GNAQ: variants seen among roughly 807,000 people sequenced by gnomAD.
GNAQ encodes guanine nucleotide-binding protein G(q) subunit alpha.
GNAQ carries 8 observed loss-of-function variants against 43.9 expected under a neutral mutation model. That is an observed-to-expected ratio of 0.18 (90% CI 0.11 to 0.33). GNAQ has a LOEUF of 0.33. Among genes scored for constraint, GNAQ ranks in the 10% least tolerant of loss-of-function variants. The pLI, the probability that GNAQ is intolerant of heterozygous loss-of-function variation, is 1.00. For missense variants in GNAQ, 158 were observed against 450.8 expected, an observed-to-expected ratio of 0.35 and a Z score of 5.88; for synonymous variants, 155 against 170.7, an observed-to-expected ratio of 0.91 and a Z score of 0.71.
chr9:77,833,672 T>C (rs866552851), intron 2 of GNAQ, among the ~76,000 whole-genome samples: 27 of 152,360 alleles, frequency 1.8e-4, no homozygotes, highest in African/African-American at 4.8e-4. Context: ...ATATCTTGCA[T>C]ATGATATAAG....
chr9:78,011,583 T>C (rs1823773231), intron 1 of GNAQ, among the ~76,000 whole-genome samples: 1 of 152,116 alleles, frequency 6.6e-6, no homozygotes, highest in Non-Finnish European at 1.5e-5. Flanking sequence ...ACAAAAATTG[T>C]CAGAACTAAG....
intron 1 of GNAQ, among the ~76,000 whole-genome samples, chr9:77,979,230 C>T (rs953370522): frequency 2.6e-5 from 4 of 151,896 alleles, no homozygotes; most frequent in African/African-American, 9.7e-5. Context: ...GTGGCGGATG[C>T]CTATAATCCC....
intron 5 of GNAQ, among the ~76,000 whole-genome samples, chr9:77,759,673 AACTT>A (rs1254524294): frequency 6.6e-6 from 1 of 152,130 alleles, no homozygotes; most frequent in Non-Finnish European, 1.5e-5. Flanking sequence ...CACCCTAGAT[AACTT>A]GTGAAAAGGC....
chr9:77,746,310 TCAACA>T (rs890874933), intron 5 of GNAQ, among the ~76,000 whole-genome samples: 1 of 152,052 alleles, frequency 6.6e-6, no homozygotes, highest in African/African-American at 2.4e-5. Flanking sequence ...AACAGGGAAC[TCAACA>T]CAAGAAAGAT....
At chr9:77,912,546 A>C (rs1039539800) in intron 2 of GNAQ, among the ~76,000 whole-genome samples, 2 of 152,200 alleles carry the variant, frequency 1.3e-5, no homozygotes, top group Non-Finnish European at 2.9e-5. Context: ...GGAAAAAATT[A>C]TAAACTGGGC....
intron 6 of GNAQ, among the ~76,000 whole-genome samples, chr9:77,726,500 A>C (rs1001302703): frequency 6.6e-5 from 10 of 152,198 alleles, no homozygotes; most frequent in Admixed American, 5.9e-4. Context: ...TGAAAAGATG[A>C]CTAAACCTCC....
At chr9:77,808,983 A>G (rs138062305) in intron 3 of GNAQ, among the ~76,000 whole-genome samples, 2 of 152,188 alleles carry the variant, frequency 1.3e-5, no homozygotes, top group African/African-American at 4.8e-5. Context: ...TCAGTCAGCA[A>G]CTTCTTAGCA....
At chr9:77,768,209 A>C (rs1270711888) in intron 5 of GNAQ, among the ~76,000 whole-genome samples, 1 of 152,180 alleles carries the variant, frequency 6.6e-6, no homozygotes, top group African/African-American at 2.4e-5. Context: ...ACCACCACAC[A>C]AAACTGCCTT....
intron 1 of GNAQ, among the ~76,000 whole-genome samples, chr9:77,961,447 T>G (rs1823106236): frequency 6.6e-6 from 1 of 152,142 alleles, no homozygotes; most frequent in Admixed American, 6.5e-5. Flanking sequence ...GCTCTTGAGA[T>G]GTGCAGAAGG....
intron 2 of GNAQ, among the ~76,000 whole-genome samples, chr9:77,852,132 CAG>C (rs1827682400): frequency 6.6e-6 from 1 of 152,166 alleles, no homozygotes; most frequent in Admixed American, 6.5e-5. Context: ...TTTCAAAACA[CAG>C]GGGCAGGGTT....
chr9:77,808,762 C>T (rs779955685), intron 3 of GNAQ, among the ~76,000 whole-genome samples: 12 of 152,004 alleles, frequency 7.9e-5, no homozygotes, highest in African/African-American at 1.5e-4. Flanking sequence ...TCAATGCCCC[C>T]GAGGTAGTGA....
intron 3 of GNAQ, among the ~76,000 whole-genome samples, chr9:77,808,872 AAC>A (rs1462682608): frequency 2.6e-5 from 4 of 151,302 alleles, no homozygotes; most frequent in African/African-American, 9.8e-5. Context: ...ACTTAAAAAA[AAC>A]AAAACAAAAC....
chr9:77,881,202 C>A (rs539976297), intron 2 of GNAQ, among the ~76,000 whole-genome samples: 1 of 152,292 alleles, frequency 6.6e-6, no homozygotes, highest in African/African-American at 2.4e-5. Flanking sequence ...CGCACCCCCC[C>A]CAAAACGGGC....
At chr9:77,783,685 G>T (rs1203088492) in intron 5 of GNAQ, among the ~76,000 whole-genome samples, 1 of 152,140 alleles carries the variant, frequency 6.6e-6, no homozygotes, top group African/African-American at 2.4e-5. Context: ...ACCTAGGGCT[G>T]AGAGGCAGGA....
At chr9:77,927,285 T>A (rs560861162) in intron 1 of GNAQ, among the ~76,000 whole-genome samples, 3 of 152,350 alleles carry the variant, frequency 2.0e-5, no homozygotes, top group Non-Finnish European at 4.4e-5. Context: ...AATCCAATCA[T>A]ATGTACCTTC....
chr9:77,718,165 G>A lies in GNAQ; in HGVS notation c.*3158C>T, dbSNP rs906416119. Reference sequence around the variant, plus strand: ...GTTTTATGTTTTTGTTTTTGAATAAGACATGCCCAAGTCACCATAAAACTC... The same window carrying A: ...GTTTTATGTTTTTGTTTTTGAATAAAACATGCCCAAGTCACCATAAAACTC... On this transcript the variant is annotated 3_prime_UTR_variant, in exon 7 of 7. Transcript: ENST00000286548. 3.0e-5 allele frequency: 7 copies of A among 232,720 alleles called. No homozygotes were observed. Among genetic ancestry groups the A allele is most frequent in the African/African-American group, 1.5e-4 (7 of 45,292 alleles). The allele number at this position is 232,720 out of a possible 1,614,324, so 14.4% of individuals were successfully genotyped here. A position where few individuals can be genotyped will look rare whatever the true frequency, so the allele number is the denominator to read the frequency against.
chr9:78,009,302 G>A lies in GNAQ; in HGVS notation c.136+21798C>T, dbSNP rs537458820. Among the ~76,000 whole-genome samples, 34 of 152,160 alleles carry A rather than the reference G, an allele frequency of 2.2e-4. No homozygotes were observed. In the East Asian group the frequency reaches 6.0e-3, roughly 27 times the overall value. The stretch of plus-strand genomic sequence containing the variant: ...ATGTGCACTGCCAGGGGTGCCACCC[G>A]CCACCTGCCACCACCACCACCACCA... On this transcript the variant is annotated intron_variant, in intron 1 of 6. Transcript: ENST00000286548.
intron 2 of GNAQ, among the ~76,000 whole-genome samples, chr9:77,846,140 C>A (rs755555574): frequency 6.6e-6 from 1 of 152,116 alleles, no homozygotes; most frequent in Non-Finnish European, 1.5e-5. Flanking sequence ...TGTTGATTTG[C>A]GTAATATAAT....
chr9:77,948,623 G>C (rs1354658263), intron 1 of GNAQ, among the ~76,000 whole-genome samples: 1 of 152,122 alleles, frequency 6.6e-6, no homozygotes, highest in Non-Finnish European at 1.5e-5. Flanking sequence ...CAGAAAGAAC[G>C]ACCGCTACTG....
Sources: allele counts gnomAD v4.1 joint callset (sites outside exome capture counted in the v4.1 genomes callset), GRCh38; gene constraint gnomAD v4.1.1; transcripts MANE v1.5; gene names NCBI Gene and HGNC (gene_info 2026-07-23, HGNC 2026-07-21).